Variants in PRRX1 observed in about 807,000 individuals in gnomAD.
The protein encoded by PRRX1 is paired related homeobox 1.
PRRX1 carries 8 observed loss-of-function variants against 24.0 expected under a neutral mutation model. The ratio of observed to expected loss-of-function variants is 0.33; its 90% CI spans 0.20 to 0.60. PRRX1 has a LOEUF of 0.60. Among genes scored for constraint, PRRX1 ranks in the 20% least tolerant of loss-of-function variants. The pLI is 0.82. For synonymous variants in PRRX1, 160 were observed against 131.7 expected, an observed-to-expected ratio of 1.22 and a Z score of -1.47; for missense variants, 281 against 322.4, an observed-to-expected ratio of 0.87 and a Z score of 0.98.
At chr1:170,705,453 T>G (rs897106700) in intron 1 of PRRX1, among the ~76,000 whole-genome samples, 5 of 152,046 alleles carry the variant, frequency 3.3e-5, no homozygotes, top group African/African-American at 1.2e-4. Flanking sequence ...CAGCTAATTT[T>G]TGTTATTTTT....
chr1:170,737,180 A>G lies in PRRX1; in HGVS notation c.*994A>G, dbSNP rs1482310965. 1 of 164,298 alleles carries G rather than the reference A, an allele frequency of 6.1e-6. No homozygotes were observed. The highest frequency in any genetic ancestry group is 1.3e-5 in the Non-Finnish European group (1 of 76,168). 10.2% of individuals were successfully genotyped at this position (164,298 alleles called of 1,614,324 possible). On this transcript the variant is annotated 3_prime_UTR_variant, in exon 4 of 4. Transcript: ENST00000239461. The stretch of plus-strand genomic sequence containing the variant: ...TTATATATATATTTCATATATATAT[A>G]TAATATTGCAAGCTTAAGTTTGCAA...
At chr1:170,668,274 C>T (rs1483371494) in intron 1 of PRRX1, 2 of 152,162 alleles carry the variant, frequency 1.3e-5, no homozygotes, top group Non-Finnish European at 2.9e-5. Flanking sequence ...TCAATGAGGA[C>T]AGTGCATCCC....
chr1:170,665,011 C>T (rs1391416309), intron 1 of PRRX1, among the ~76,000 whole-genome samples: 6 of 152,350 alleles, frequency 3.9e-5, no homozygotes, highest in East Asian at 3.9e-4. Flanking sequence ...GACCGGGAGG[C>T]CCCGAGAGAA....
chr1:170,727,476 T>C (rs1353129095), intron 3 of PRRX1: 2 of 152,220 alleles, frequency 1.3e-5, no homozygotes, highest in African/African-American at 4.8e-5. Context: ...AGGTTAATTA[T>C]TGGTTTAAGG....
chr1:170,717,511 A>T (rs1047400983), intron 1 of PRRX1, among the ~76,000 whole-genome samples: 1 of 152,166 alleles, frequency 6.6e-6, no homozygotes, highest in Non-Finnish European at 1.5e-5. Flanking sequence ...AAGTCATGGG[A>T]TTGGCTTAAT....
chr1:170,664,292 T>A lies in PRRX1; in HGVS notation c.74T>A (p.Leu25His), dbSNP rs1652834600. The change falls in exon 1 of 4, where the codon CTC becomes CAC. Residue 25 changes from leucine to histidine, a missense_variant. Leu to His is a moderately conservative substitution (Grantham distance 99, BLOSUM62 -3). Transcript: ENST00000239461. ...GGCCGCTTGGACAGCCCGGGCAACC[T>A]CGACACCCTGCAGGCGAAAAAGAAC... ...LGGRLDSPGN[L>H]DTLQAKKNFS... 4 of 1,613,250 alleles carry A rather than the reference T, an allele frequency of 2.5e-6. No individual in the cohort carries two copies. Among genetic ancestry groups the A allele is most frequent in the Non-Finnish European group, 3.4e-6 (4 of 1,179,832 alleles).
chr1:170,686,046 TATAGTTAAA>T (rs1380544126), intron 1 of PRRX1, among the ~76,000 whole-genome samples: 1 of 152,080 alleles, frequency 6.6e-6, no homozygotes, highest in East Asian at 1.9e-4. Context: ...TTCACTCTGT[TATAGTTAAA>T]ATGTAGACCG....
In PRRX1 at chr1:170,736,565, TA is replaced by T. The variant is rs1406068989; in HGVS notation, c.*380del. 11 of 203,898 alleles carry T rather than the reference TA, an allele frequency of 5.4e-5. No homozygotes were observed. The highest frequency in any genetic ancestry group is 1.1e-4 in the Non-Finnish European group (11 of 101,120). The allele number at this position is 203,898 out of a possible 1,614,324, so 12.6% of individuals were successfully genotyped here. A position where few individuals can be genotyped will look rare whatever the true frequency, so the allele number is the denominator to read the frequency against. Reference sequence around the variant, plus strand: ...GAAACTATATATATATATATATATATATATATCCAGAATGATTGCCTCTACT... The same window carrying T: ...GAAACTATATATATATATATATATATTATATCCAGAATGATTGCCTCTACT... On this transcript the variant is annotated 3_prime_UTR_variant, in exon 4 of 4. Transcript: ENST00000239461.
At chr1:170,717,862 C>G (rs1654956931) in intron 1 of PRRX1, among the ~76,000 whole-genome samples, 1 of 152,140 alleles carries the variant, frequency 6.6e-6, no homozygotes, top group Non-Finnish European at 1.5e-5. Context: ...TTGCTAATAG[C>G]TAGTGGTATA....
chr1:170,734,329 G>A (rs1655537714), intron 3 of PRRX1, among the ~76,000 whole-genome samples: 1 of 150,456 alleles, frequency 6.6e-6, no homozygotes, highest in South Asian at 2.1e-4. Context: ...ATATTTCTTA[G>A]TTATCTGTCT....
intron 1 of PRRX1, among the ~76,000 whole-genome samples, chr1:170,713,493 G>T (rs1246292079): frequency 6.6e-6 from 1 of 152,184 alleles, no homozygotes; most frequent in Non-Finnish European, 1.5e-5. Context: ...GAGGTGAAAA[G>T]AAATATATAA....
chr1:170,686,675 C>G (rs892350419), intron 1 of PRRX1, among the ~76,000 whole-genome samples: 10 of 152,126 alleles, frequency 6.6e-5, no homozygotes, highest in African/African-American at 2.4e-4. Flanking sequence ...CCAGAACAAA[C>G]AGAGTCACCT....
chr1:170,698,534 C>T (rs568827281), intron 1 of PRRX1, among the ~76,000 whole-genome samples: 36 of 152,186 alleles, frequency 2.4e-4, no homozygotes, highest in Non-Finnish European at 4.1e-4. Flanking sequence ...ACAGTAGAGG[C>T]CTTTTGCGTA....
At chr1:170,700,132 T>C (rs972378157) in intron 1 of PRRX1, among the ~76,000 whole-genome samples, 2 of 152,324 alleles carry the variant, frequency 1.3e-5, no homozygotes, top group African/African-American at 4.8e-5. Flanking sequence ...CCATTTTTTT[T>C]AAGCAAATGA....
intron 1 of PRRX1, among the ~76,000 whole-genome samples, chr1:170,678,268 A>G (rs2101889750): frequency 6.6e-6 from 1 of 152,370 alleles, no homozygotes; most frequent in African/African-American, 2.4e-5. Context: ...GCACTTCTAT[A>G]TCATGAAACA....
At position 170,716,366 on chromosome 1, in the gene PRRX1, C is replaced by T. The variant is rs180913099; in HGVS notation, c.242-3360C>T. Reference sequence around the variant, plus strand: ...TTGGGAGGCCGAGGCAGGTGGATCACGAGGTCAGGAGATCGAGACCATCCC... The same window carrying T: ...TTGGGAGGCCGAGGCAGGTGGATCATGAGGTCAGGAGATCGAGACCATCCC... On this transcript the variant is annotated intron_variant, in intron 1 of 3. Transcript: ENST00000239461. 1.7e-4 allele frequency among the ~76,000 whole-genome samples: 26 copies of T among 152,234 alleles called. No homozygotes were observed. The East Asian group carries it at 5.0e-3, about 30-fold the overall frequency.
intron 1 of PRRX1, among the ~76,000 whole-genome samples, chr1:170,683,245 C>T (rs1457699438): frequency 2.0e-5 from 3 of 152,172 alleles, no homozygotes; most frequent in Non-Finnish European, 4.4e-5. Flanking sequence ...GTTATTGCAA[C>T]AGGCCAGATG....
intron 3 of PRRX1, chr1:170,730,235 A>C: frequency 6.7e-7 from 1 of 1,502,398 alleles, no homozygotes; most frequent in Non-Finnish European, 9.3e-7. Context: ...CATCTGCTGA[A>C]CGCATTTGGC....
chr1:170,712,480 G>A (rs866136923), intron 1 of PRRX1, among the ~76,000 whole-genome samples: 15 of 152,256 alleles, frequency 9.9e-5, no homozygotes, highest in South Asian at 2.1e-4. Flanking sequence ...GTTATTTTGT[G>A]ATAGAAATCT....
Sources: allele counts gnomAD v4.1 joint callset (sites outside exome capture counted in the v4.1 genomes callset), GRCh38; gene constraint gnomAD v4.1.1; transcripts MANE v1.5; gene names NCBI Gene and HGNC (gene_info 2026-07-23, HGNC 2026-07-21).